The following PRH1 variants were observed in gnomAD, a reference collection of about 807,000 sequenced individuals.
PRH1 encodes salivary acidic proline-rich phosphoprotein 1/2.
Under a neutral mutation model 7.9 loss-of-function variants are expected in PRH1, and 7 were observed. That is an observed-to-expected ratio of 0.89 (90% CI 0.50 to 1.67). The LOEUF (loss-of-function observed/expected upper bound fraction) is 1.67, where lower values mean the gene tolerates loss of function less well. Ranked by LOEUF, PRH1 falls within the 40% of genes most tolerant of loss-of-function variation. PRH1 has a pLI of 0.00. For synonymous variants in PRH1, 45 were observed against 80.8 expected, an observed-to-expected ratio of 0.56 and a Z score of 2.38; for missense variants, 109 against 223.6, an observed-to-expected ratio of 0.49 and a Z score of 3.27.
At chr12:11,108,991 G>A (rs559427519) in intron 1 of PRH1, among the ~76,000 whole-genome samples, 2 of 152,254 alleles carry the variant, frequency 1.3e-5, no homozygotes, top group African/African-American at 2.4e-5. Flanking sequence ...AGGGAAGGAT[G>A]TCCGCCATTA....
chr12:10,975,424 G>T (rs754225125), intron 1 of PRH1, among the ~76,000 whole-genome samples: 1 of 152,152 alleles, frequency 6.6e-6, no homozygotes, highest in Non-Finnish European at 1.5e-5. Context: ...CCTGAAGGGA[G>T]TACTAAACAT....
chr12:11,125,486 A>G (rs1349134967), intron 1 of PRH1, among the ~76,000 whole-genome samples: 1 of 152,290 alleles, frequency 6.6e-6, no homozygotes, highest in African/African-American at 2.4e-5. Context: ...ATTTTATTAT[A>G]GCAGTCCAAG....
At position 11,122,147 on chromosome 12, in the gene PRH1, G is replaced by C. The variant is rs150460223; in HGVS notation, n.40-967C>G. On this transcript the variant is annotated intron_variant and non_coding_transcript_variant, in intron 1 of 1. Transcript: ENST00000541175. ...TGCTTCAATGAACAGGAAATTAGTA[G>C]ACTTTACACAGAGATTTAAGATGGC... 8.6e-3 allele frequency among the ~76,000 whole-genome samples: 1,311 copies of C among 151,978 alleles called. 11 individuals are homozygous for C. The highest frequency in any genetic ancestry group is 0.011 in the Non-Finnish European group (734 of 67,946).
chr12:11,106,957 G>A (rs148759175), intron 1 of PRH1, among the ~76,000 whole-genome samples: 26 of 152,220 alleles, frequency 1.7e-4, no homozygotes, highest in African/African-American at 5.1e-4. Context: ...TTAATTTTTT[G>A]TATGATCGTG....
At chr12:11,127,452 T>C (rs1379100772) in intron 1 of PRH1, among the ~76,000 whole-genome samples, 1 of 152,292 alleles carries the variant, frequency 6.6e-6, no homozygotes, top group Non-Finnish European at 1.5e-5. Context: ...TGTTGAATCA[T>C]TTTTTCAATG....
intron 1 of PRH1, among the ~76,000 whole-genome samples, chr12:11,053,283 T>C (rs998499493): frequency 2.0e-5 from 3 of 152,230 alleles, no homozygotes; most frequent in African/African-American, 7.2e-5. Context: ...AATTACATCA[T>C]TATCCAAATG....
chr12:10,966,842 G>A (rs1038840989), intron 2 of PRH1, among the ~76,000 whole-genome samples: 11 of 152,204 alleles, frequency 7.2e-5, no homozygotes, highest in Middle Eastern at 6.8e-3. Context: ...GAGGCTGGGC[G>A]CGGTGGCTCA....
At chr12:11,150,100 C>A (rs28886060) in intron 1 of PRH1, among the ~76,000 whole-genome samples, 43,775 of 149,800 alleles carry the variant, frequency 0.29, 8,294 homozygotes, top group East Asian at 0.74. Context: ...CAGAGAAATG[C>A]AAATCAAAAC....
chr12:11,133,522 G>C (rs750688338), intron 1 of PRH1: 2 of 1,614,032 alleles, frequency 1.2e-6, no homozygotes, highest in South Asian at 2.2e-5. Flanking sequence ...TGGACAGAAA[G>C]TAAATGGCAC....
At chr12:11,149,243 G>A (rs1317960320) in intron 1 of PRH1, among the ~76,000 whole-genome samples, 6 of 151,984 alleles carry the variant, frequency 3.9e-5, no homozygotes, top group Admixed American at 3.3e-4. Context: ...ACCAGCTCCT[G>A]GATTCATTAA....
chr12:10,902,683 C>G (rs747579761), intron 2 of PRH1, among the ~76,000 whole-genome samples: 1 of 152,104 alleles, frequency 6.6e-6, no homozygotes, highest in Non-Finnish European at 1.5e-5. Flanking sequence ...CAGCAGAAAC[C>G]TTACAAGCCA....
At chr12:10,950,607 T>A (rs996629319) in intron 2 of PRH1, among the ~76,000 whole-genome samples, 2 of 151,820 alleles carry the variant, frequency 1.3e-5, no homozygotes, top group Non-Finnish European at 2.9e-5. Flanking sequence ...TTTCTTGAAG[T>A]TTCAAATTCT....
At chr12:10,908,324 C>T in intron 2 of PRH1, 1 of 1,454,120 alleles carries the variant, frequency 6.9e-7, no homozygotes, top group South Asian at 1.3e-5. Context: ...CTTGTAGACT[C>T]CTGTTTCTGT....
At chr12:10,986,206 G>T (rs752598677) in intron 1 of PRH1, 1 of 1,613,974 alleles carries the variant, frequency 6.2e-7, no homozygotes, top group African/African-American at 1.3e-5. Flanking sequence ...TTGGTGCTGA[G>T]ATCTTGCGAT....
chr12:11,050,032 T>A (rs111525211), upstream of PRH1, among the ~76,000 whole-genome samples: 1,432 of 152,308 alleles, frequency 9.4e-3, 18 homozygotes, highest in African/African-American at 0.032. Context: ...CTCAGGGTTG[T>A]CAGACAATGA....
chr12:10,975,310 G>A (rs868847423), intron 1 of PRH1, among the ~76,000 whole-genome samples: 28 of 152,148 alleles, frequency 1.8e-4, no homozygotes, highest in African/African-American at 5.3e-4. Flanking sequence ...CAAGAATTTC[G>A]TATCCACCCA....
At chr12:11,110,814 T>A (rs1032796585) in intron 1 of PRH1, among the ~76,000 whole-genome samples, 3 of 152,108 alleles carry the variant, frequency 2.0e-5, no homozygotes, top group African/African-American at 7.2e-5. Context: ...ATATTAACCT[T>A]AAATGTAAAT....
intron 1 of PRH1, among the ~76,000 whole-genome samples, chr12:10,998,788 C>A (rs1329330453): frequency 6.6e-6 from 1 of 152,116 alleles, no homozygotes; most frequent in Non-Finnish European, 1.5e-5. Context: ...CAGTGTCCTC[C>A]CACCACAGGC....
rs1949782035 is a variant in PRH1 at position 10,904,976 on chromosome 12, C to G, written c.-58-20701G>C. Reference sequence around the variant, plus strand: ...CGCAAATCAAAACCACAAAGAGATACCATCTCACACCAGTCAGAATAGCTA... The same window carrying G: ...CGCAAATCAAAACCACAAAGAGATAGCATCTCACACCAGTCAGAATAGCTA... On this transcript the variant is annotated intron_variant, in intron 2 of 3. Transcript: ENST00000539853. Among the ~76,000 whole-genome samples the G allele has an allele frequency of 2.6e-5, 4 of 150,948 alleles. No homozygotes were observed. The Admixed American group carries it at 2.7e-4, about 10-fold the overall frequency.
Sources: gnomAD v4.1 joint callset for allele counts (sites outside exome capture counted in the v4.1 genomes callset) on GRCh38, gnomAD v4.1.1 for gene constraint, MANE v1.5 for transcripts, NCBI Gene and HGNC (gene_info 2026-07-23, HGNC 2026-07-21) for gene names.